Variants in TENM2 observed in about 807,000 individuals in gnomAD.
TENM2 encodes the protein teneurin-2.
Under a neutral mutation model 245.2 loss-of-function variants are expected in TENM2, and 52 were observed. The observed-to-expected ratio is 0.21, with a 90% CI of 0.17 to 0.27. The LOEUF (loss-of-function observed/expected upper bound fraction) is 0.27, where lower values mean the gene tolerates loss of function less well. TENM2 is among the 10% of genes least tolerant of loss of function. The pLI, the probability that TENM2 is intolerant of heterozygous loss-of-function variation, is 1.00. For synonymous variants in TENM2, 1,363 were observed against 1,438.9 expected, an observed-to-expected ratio of 0.95 and a Z score of 1.19; for missense variants, 3,046 against 3,666.8, an observed-to-expected ratio of 0.83 and a Z score of 4.37.
At chr5:167,979,886 G>A (rs188506616) in intron 4 of TENM2, among the ~76,000 whole-genome samples, 42 of 152,210 alleles carry the variant, frequency 2.8e-4, no homozygotes, top group Non-Finnish European at 5.4e-4. Context: ...CCAGAGTGAC[G>A]GGATTCCTTG....
the TENM2 span, among the ~76,000 whole-genome samples, chr5:167,180,506 A>G: frequency 6.6e-6 from 1 of 152,150 alleles, no homozygotes; most frequent in Non-Finnish European, 1.5e-5. Context: ...TTGCTGTCAG[A>G]AGGCGGGAGT....
Position 168,003,270 on chromosome 5 carries a change from T to C in TENM2, c.1186+10088T>C, listed in dbSNP as rs191463470. 3.3e-5 allele frequency among the ~76,000 whole-genome samples: 5 copies of C among 151,114 alleles called. No individual in the cohort carries two copies. In the East Asian group the frequency reaches 9.8e-4, roughly 30 times the overall value. On this transcript the variant is annotated intron_variant, in intron 5 of 28. Transcript: ENST00000518659. ...TTTTAATCAAATGATGACATTATCT[T>C]TTCCCGAGTTTAAAATTACAAAGTT...
chr5:168,223,019 G>A (rs961331683), intron 23 of TENM2, among the ~76,000 whole-genome samples: 1 of 152,186 alleles, frequency 6.6e-6, no homozygotes, highest in African/African-American at 2.4e-5. Flanking sequence ...TCCCATTGCT[G>A]GAACTTACAG....
chr5:167,107,104 A>G, the TENM2 span, among the ~76,000 whole-genome samples: 1 of 150,746 alleles, frequency 6.6e-6, no homozygotes, highest in Non-Finnish European at 1.5e-5. Flanking sequence ...AAAAAAAAAA[A>G]AAAAAAATTA....
At chr5:167,683,077 A>G (rs1438508341) in intron 2 of TENM2, among the ~76,000 whole-genome samples, 3 of 152,310 alleles carry the variant, frequency 2.0e-5, no homozygotes, top group African/African-American at 7.2e-5. Flanking sequence ...CATCTGTTTA[A>G]TGTATTGGAC....
chr5:168,140,771 C>T (rs1755474531), intron 12 of TENM2, among the ~76,000 whole-genome samples: 1 of 152,124 alleles, frequency 6.6e-6, no homozygotes, highest in Non-Finnish European at 1.5e-5. Flanking sequence ...ACCCTGTGTC[C>T]CTTTCTCTTC....
At chr5:167,154,578 A>G in the TENM2 span, among the ~76,000 whole-genome samples, 1 of 152,224 alleles carries the variant, frequency 6.6e-6, no homozygotes, top group African/African-American at 2.4e-5. Context: ...GACAGATGAC[A>G]TGATGTTTTT....
chr5:167,952,940 T>C, intron 4 of TENM2, 118 bp downstream of exon 6: 1 of 798,216 alleles, frequency 1.3e-6, no homozygotes. Flanking sequence ...GTATAAATAA[T>C]GAGACAAGTT....
Position 168,218,155 on chromosome 5 carries a change from G to A in TENM2, c.4264G>A (p.Val1422Ile), listed in dbSNP as rs367620687. 1.9e-6 allele frequency: 3 copies of A among 1,613,612 alleles called. No individual in the cohort carries two copies. Among genetic ancestry groups the A allele is most frequent in the Non-Finnish European group, 2.5e-6 (3 of 1,179,630 alleles). Residue 1422 changes from valine to isoleucine, a missense_variant, in exon 23 of 29, where the codon GTC (valine) becomes ATC (isoleucine). Around this residue, in one of 2 missense-constraint regions of TENM2, gnomAD observed 2,704 missense variants for 3,331.9 expected, o/e 0.81. Coordinates refer to ENST00000518659, the Ensembl canonical transcript of TENM2. This position sits in a 1 kb window ranked among gnomAD's most constrained non-coding sequence, Gnocchi z 5.2. ...TCTGGAGTGGCCAACAGACCTTGCT[G>A]TCAATCCCATGGATAACTCCTTGTA... is the stretch of plus-strand genomic sequence containing the variant.
intron 5 of TENM2, among the ~76,000 whole-genome samples, chr5:167,994,155 T>G (rs1783877010): frequency 6.6e-6 from 1 of 152,256 alleles, no homozygotes; most frequent in South Asian, 2.1e-4. Flanking sequence ...TTGATGCTTG[T>G]GGCTTGGTTT....
chr5:167,314,881 A>G (rs904240638), intron 1 of TENM2, among the ~76,000 whole-genome samples: 10 of 152,052 alleles, frequency 6.6e-5, no homozygotes, highest in Non-Finnish European at 1.3e-4. Context: ...CTATCTGGAT[A>G]CATTTTTATA....
the TENM2 span, among the ~76,000 whole-genome samples, chr5:167,187,298 G>A: frequency 2.0e-5 from 3 of 152,184 alleles, no homozygotes; most frequent in South Asian, 6.2e-4. Flanking sequence ...TGGCAAAAGG[G>A]AAGACAGGGA....
intron 2 of TENM2, among the ~76,000 whole-genome samples, chr5:167,872,459 CACGAAAGAAAGAAA>C: frequency 2.7e-5 from 3 of 112,232 alleles, no homozygotes; most frequent in Non-Finnish European, 5.5e-5. Flanking sequence ...AGAAAGAAAG[CACGAAAGAAAGAAA>C]GAAAGAAAGA....
rs116637526 is a variant in TENM2 at position 167,986,648 on chromosome 5, G to A, written c.948-6296G>A. On this transcript the variant is annotated intron_variant, in intron 4 of 28. Transcript: ENST00000518659. ...TTCTGAGAGCAATTGAGTTGTGCTT[G>A]AAAAACGTCAAGTGCATTTGGAAAC... is the stretch of plus-strand genomic sequence containing the variant. 8.5e-3 allele frequency among the ~76,000 whole-genome samples: 1,288 copies of A among 152,302 alleles called. 21 individuals are homozygous for A. Among genetic ancestry groups the A allele is most frequent in the Middle Eastern group, 0.041 (12 of 294 alleles).
chr5:167,815,700 G>A (rs971948332), intron 2 of TENM2, among the ~76,000 whole-genome samples: 2 of 152,110 alleles, frequency 1.3e-5, no homozygotes, highest in African/African-American at 4.8e-5. Flanking sequence ...GGACATCACA[G>A]AACAAGAAAA....
At chr5:167,694,832 T>A (rs1252253802) in intron 2 of TENM2, among the ~76,000 whole-genome samples, 15 of 152,180 alleles carry the variant, frequency 9.9e-5, no homozygotes, top group Admixed American at 9.8e-4. Flanking sequence ...GATTTTAATG[T>A]TTACATGCAG....
chr5:167,298,967 AC>A (rs1332494979), intron 1 of TENM2, among the ~76,000 whole-genome samples: 1 of 152,174 alleles, frequency 6.6e-6, no homozygotes, highest in African/African-American at 2.4e-5. Flanking sequence ...TGGTGTCTGG[AC>A]TGAGACTGGG....
At chr5:167,101,835 TTATATATATATATTTA>T in the TENM2 span, among the ~76,000 whole-genome samples, 1,423 of 50,850 alleles carry the variant, frequency 0.028, 55 homozygotes, top group African/African-American at 0.095. Flanking sequence ...CTCTTGACAT[TTATATATATATATTTA>T]TATATATATA....
chr5:167,348,422 C>G (rs980035628), intron 1 of TENM2, among the ~76,000 whole-genome samples: 2 of 152,098 alleles, frequency 1.3e-5, no homozygotes, highest in African/African-American at 2.4e-5. Context: ...GGGCCATTGA[C>G]GAGCCGGCAA....
Sources: gnomAD v4.1 joint callset for allele counts (sites outside exome capture counted in the v4.1 genomes callset) on GRCh38, gnomAD v4.1.1 for gene constraint, gnomAD v4.1.1 regional missense constraint, Gnocchi (gnomAD v3.1) non-coding constraint, MANE v1.5 for transcripts, NCBI Gene and HGNC (gene_info 2026-07-23, HGNC 2026-07-21) for gene names.